Variants in PCNT observed in about 807,000 individuals in gnomAD.
PCNT encodes the protein pericentrin.
PCNT carries 319 observed loss-of-function variants against 380.4 expected under a neutral mutation model. The observed-to-expected ratio is 0.84, with a 90% confidence interval of 0.77 to 0.92. PCNT has a LOEUF of 0.92. Ranked by LOEUF, PCNT falls within the 40% of genes least tolerant of loss-of-function variation. The pLI is 0.00. For missense variants in PCNT, 4,400 were observed against 4,255.3 expected (o/e 1.03, Z -0.95); for synonymous variants, 1,845 against 1,735.2 (o/e 1.06, Z -1.57).
intron 2 of PCNT, among the ~76,000 whole-genome samples, chr21:46,328,985 A>C (rs149021827): frequency 0.036 from 5,449 of 151,672 alleles, 139 homozygotes; most frequent in Middle Eastern, 0.089. Flanking sequence ...CACATTGGCC[A>C]GGCTGGTCTC....
intron 41 of PCNT, 137 bp from the exon 42 acceptor site, chr21:46,439,946 A>T: frequency 1.0e-6 from 1 of 975,908 alleles, no homozygotes; most frequent in Non-Finnish European, 1.6e-6. Flanking sequence ...GCTGAAGTTG[A>T]GGAGGGGCCA....
chr21:46,431,269 C>G lies in PCNT; in HGVS notation c.8065-260C>G, dbSNP rs575055405. The G allele has an allele frequency of 1.1e-5, 15 of 1,343,404 alleles. No homozygotes were observed. The South Asian group carries it at 1.3e-4, about 11-fold the overall frequency. The allele number at this position is 1,343,404 out of a possible 1,614,324, so 83.2% of individuals were successfully genotyped here. A position where few individuals can be genotyped will look rare whatever the true frequency, so the allele number is the denominator to read the frequency against. ...GCAGGGGACATCTCTGAATCATTTT[C>G]TGGAGAGGGACAGACTGGGAACATC... On this transcript the variant is annotated intron_variant, in intron 37 of 46. Transcript: ENST00000359568.
chr21:46,324,556 C>T (rs2083293921), intron 1 of PCNT, among the ~76,000 whole-genome samples: 1 of 119,856 alleles, frequency 8.3e-6, no homozygotes, highest in Non-Finnish European at 1.8e-5. Flanking sequence ...CGGGGCTGCG[C>T]CTGCGTCGGG....
At chr21:46,372,416 C>A (rs2147012970) in intron 15 of PCNT, among the ~76,000 whole-genome samples, 1 of 152,378 alleles carries the variant, frequency 6.6e-6, no homozygotes, top group South Asian at 2.1e-4. Context: ...ATACACAGCA[C>A]ATGCACACAT....
At chr21:46,363,339 A>G (rs1007300647) in intron 13 of PCNT, 141 bp from the exon 14 acceptor site, 12 of 708,408 alleles carry the variant, frequency 1.7e-5, no homozygotes, top group Non-Finnish European at 3.0e-5. Context: ...CAACATGAGA[A>G]TCATTCCTGT....
intron 38 of PCNT, among the ~76,000 whole-genome samples, chr21:46,434,857 C>T (rs918906854): frequency 2.0e-5 from 3 of 152,214 alleles, no homozygotes; most frequent in Non-Finnish European, 4.4e-5. Flanking sequence ...TGTGCGTGTA[C>T]ATATGTGGAT....
rs1235611970 is a variant in PCNT at position 46,427,668 on chromosome 21, T to C, written c.7367T>C (p.Val2456Ala). Residue 2456 changes from valine to alanine, a missense_variant, in exon 34 of 47, where the codon GTT becomes GCT. Physicochemically the swap from Val to Ala is moderately conservative, Grantham distance 64. Transcript: ENST00000359568. ...CPDWRGDLLQ[V>A]VQEAFEKEQE... ...GATTGGAGAGGGGACCTTCTGCAGGTTGTGCAAGAGGCCTTTGAAAAAGAG... is the reference window on the plus strand; with the variant it reads ...GATTGGAGAGGGGACCTTCTGCAGGCTGTGCAAGAGGCCTTTGAAAAAGAG... The C allele has an allele frequency of 6.2e-7, 1 of 1,613,962 alleles. No individual in the cohort carries two copies. Among genetic ancestry groups the C allele is most frequent in the Non-Finnish European group, 8.5e-7 (1 of 1,180,012 alleles).
Position 46,416,217 on chromosome 21 carries a change from T to C in PCNT, c.6299T>C (p.Met2100Thr), listed in dbSNP as rs747091857. ...DAADTKSLWPMASAHLLESSW... is the reference protein window; with the variant it reads ...DAADTKSLWPTASAHLLESSW... ...GCCGACACCAAATCTCTGTGGCCCA[T>C]GGCCTCAGCACACCTGTTGGAGAGC... The change falls in exon 30 of 47, where the codon ATG (methionine) becomes ACG (threonine). Residue 2100 changes from methionine (M) to threonine (T), a missense_variant. Coordinates refer to ENST00000359568, the MANE Select transcript of PCNT (RefSeq NM_006031.6). 31 of 1,614,068 alleles carry C rather than the reference T, an allele frequency of 1.9e-5. No homozygotes were observed. Among genetic ancestry groups the C allele is most frequent in the African/African-American group, 4.0e-5 (3 of 74,920 alleles).
At chr21:46,341,041 A>G (rs999508012) in intron 3 of PCNT, among the ~76,000 whole-genome samples, 39 of 143,028 alleles carry the variant, frequency 2.7e-4, no homozygotes, top group African/African-American at 1.0e-3. Flanking sequence ...GTGCCACCAT[A>G]TCCGGCTGAT....
Position 46,411,406 on chromosome 21 carries a change from C to T in PCNT, c.5333C>T (p.Ser1778Phe). 3.7e-6 allele frequency: 6 copies of T among 1,613,524 alleles called. No homozygotes were observed. The highest frequency in any genetic ancestry group is 5.1e-6 in the Non-Finnish European group (6 of 1,179,972). ...AGTCTGCAGAGCGAGCTGCTCTGCT[C>T]CCAGGCCGGGGGCCCTCGTGGGCAG... is the stretch of plus-strand genomic sequence containing the variant. Reference protein sequence around the residue: ...AGSLQSELLCSQAGGPRGQAL... With the variant: ...AGSLQSELLCFQAGGPRGQAL... The change falls in exon 28 of 47, where the codon TCC (serine) becomes TTC (phenylalanine). Residue 1778 changes from serine to phenylalanine, a missense_variant. By Grantham distance (155) the Ser-to-Phe change is radical. Transcript: ENST00000359568.
chr21:46,438,669 ATTTTTT>A (rs34152810), intron 41 of PCNT, among the ~76,000 whole-genome samples: 5,933 of 127,614 alleles, frequency 0.046, 171 homozygotes, highest in Non-Finnish European at 0.068. Flanking sequence ...GTGATTTATA[ATTTTTT>A]TTTTTTTTTT....
intron 9 of PCNT, among the ~76,000 whole-genome samples, chr21:46,352,034 C>T (rs905561011): frequency 6.6e-6 from 1 of 152,206 alleles, no homozygotes; most frequent in Non-Finnish European, 1.5e-5. Context: ...CGACCCCAGG[C>T]CCCCCATTCC....
chr21:46,387,448 G>A (rs2085877526), intron 17 of PCNT, among the ~76,000 whole-genome samples: 2 of 152,040 alleles, frequency 1.3e-5, no homozygotes, highest in African/African-American at 2.4e-5. Context: ...GGTGGTGGGC[G>A]GGGTAGTCCC....
At chr21:46,343,069 T>C (rs112289776) in intron 3 of PCNT, among the ~76,000 whole-genome samples, 18 of 152,316 alleles carry the variant, frequency 1.2e-4, no homozygotes, top group Middle Eastern at 3.4e-3. Flanking sequence ...GCTTTCTGGA[T>C]GAGTCTCCAG....
At position 46,428,580 on chromosome 21, in the gene PCNT, G is replaced by C; in HGVS notation, c.7680G>C (p.Leu2560=). 6.3e-7 allele frequency: 1 copy of C among 1,598,584 alleles called. No individual in the cohort carries two copies. Among genetic ancestry groups the C allele is most frequent in the Non-Finnish European group, 8.5e-7 (1 of 1,177,904 alleles). The change falls in exon 35 of 47, where the codon CTG becomes CTC. Residue 2560 remains leucine (L), a synonymous_variant. Transcript: ENST00000359568. ...GCGGGAGCCAGCAGGAGCACCAGCT[G>C]CGCAGGCAGGGTGGGTGTCACTGTC... is the stretch of plus-strand genomic sequence containing the variant. ...EARGSQQEHQ[L]RRQVELLAYK...
chr21:46,401,739 C>T lies in PCNT; in HGVS notation c.4962+18C>T, dbSNP rs781334750. The T allele has an allele frequency of 1.2e-6, 2 of 1,613,580 alleles. No homozygotes were observed. Among genetic ancestry groups the T allele is most frequent in the Non-Finnish European group, 1.7e-6 (2 of 1,179,672 alleles). ...AGAGCGAGGTGAGTGCAGAGTGGGG[C>T]CATGGGACTGCCAGCCCTGGGTCAG... On this transcript the variant is annotated intron_variant, in intron 26 of 46. Coordinates refer to ENST00000359568, the MANE Select transcript of PCNT (RefSeq NM_006031.6).
At chr21:46,371,197 G>A (rs1287269431) in intron 15 of PCNT, among the ~76,000 whole-genome samples, 1 of 149,872 alleles carries the variant, frequency 6.7e-6, no homozygotes, top group African/African-American at 2.4e-5. Flanking sequence ...ACACAGTATG[G>A]TTTATTTTCT....
At chr21:46,418,095 G>GGTCT (rs2087103736) in intron 30 of PCNT, 109 bp from the exon 31 acceptor site, 1 of 710,188 alleles carries the variant, frequency 1.4e-6, no homozygotes, top group Non-Finnish European at 2.6e-6. Context: ...TTTCATCTGG[G>GGTCT]GTCTATGTGG....
intron 15 of PCNT, among the ~76,000 whole-genome samples, chr21:46,380,018 G>A (rs955830836): frequency 2.6e-5 from 4 of 152,164 alleles, no homozygotes; most frequent in South Asian, 2.1e-4. Context: ...TGTGGACATC[G>A]CATTCTCAAG....
Sources: gnomAD v4.1 joint callset for allele counts (sites outside exome capture counted in the v4.1 genomes callset) on GRCh38, gnomAD v4.1.1 for gene constraint, MANE v1.5 for transcripts, NCBI Gene and HGNC (gene_info 2026-07-23, HGNC 2026-07-21) for gene names.